The following NEURL1B variants were observed in gnomAD, a reference collection of about 807,000 sequenced individuals.
NEURL1B encodes neuralized E3 ubiquitin protein ligase 1B, also known as E3 ubiquitin-protein ligase NEURL1B.
In NEURL1B, 13 loss-of-function variants were observed where a neutral mutation model predicts 37.4. That is an observed-to-expected ratio of 0.35 (90% CI 0.23 to 0.55). The LOEUF (loss-of-function observed/expected upper bound fraction) is 0.55, where lower values mean the gene tolerates loss of function less well. Ranked by LOEUF, NEURL1B falls within the 20% of genes least tolerant of loss-of-function variation. NEURL1B has a pLI of 0.89. For synonymous variants in NEURL1B, 432 were observed against 426.6 expected (o/e 1.01, Z -0.16); for missense variants, 790 against 879.2 (o/e 0.90, Z 1.28).
Position 172,676,047 on chromosome 5 carries a change from G to A in NEURL1B, c.577+5717G>A, listed in dbSNP as rs1350824433. Reference sequence around the variant, plus strand: ...TTCCTTTGCCCAGTCGTGGGAAGCTGGTCAGATTGAAAAAGCAATGCCAGT... The same window carrying A: ...TTCCTTTGCCCAGTCGTGGGAAGCTAGTCAGATTGAAAAAGCAATGCCAGT... On this transcript the variant is annotated intron_variant, in intron 2 of 4. Transcript: ENST00000369800. This position sits in a 1 kb window ranked among gnomAD's most constrained non-coding sequence, Gnocchi z 4.5. 6.6e-6 allele frequency among the ~76,000 whole-genome samples: 1 copy of A among 151,870 alleles called. No homozygotes were observed. The highest frequency in any genetic ancestry group is 1.5e-5 in the Non-Finnish European group (1 of 67,998).
At chr5:172,646,110 G>A (rs1351175291) in intron 1 of NEURL1B, among the ~76,000 whole-genome samples, 6 of 152,196 alleles carry the variant, frequency 3.9e-5, no homozygotes, top group South Asian at 2.1e-4. Flanking sequence ...AGCGGGAGCC[G>A]TTGAGAGTTG....
At chr5:172,674,293 G>C (rs1257377874) in intron 2 of NEURL1B, among the ~76,000 whole-genome samples, 1 of 152,072 alleles carries the variant, frequency 6.6e-6, no homozygotes, top group African/African-American at 2.4e-5. Flanking sequence ...AAAAGGGCTC[G>C]TAGGCCTCAC....
intron 1 of NEURL1B, among the ~76,000 whole-genome samples, chr5:172,643,460 C>A (rs2081512117): frequency 6.6e-6 from 1 of 152,212 alleles, no homozygotes; most frequent in Non-Finnish European, 1.5e-5. Flanking sequence ...CTCCAGGAAG[C>A]TTTCCCTGAC....
rs10476046 is a variant in NEURL1B, at chr5:172,669,765, C to A, written c.32-20C>A. 225,663 of 1,245,598 alleles carry A rather than the reference C, an allele frequency of 0.18. 23,289 individuals are homozygous for A. Among genetic ancestry groups the A allele is most frequent in the African/African-American group, 0.45 (28,453 of 62,744 alleles). 77.2% of individuals were successfully genotyped at this position (1,245,598 alleles called of 1,614,324 possible). ...GGAGTTCGGAGGAGGCCTAACCGTG[C>A]TGCCTGTGTCTTTCCGCAGACCCGA... is the stretch of plus-strand genomic sequence containing the variant. On this transcript the variant is annotated intron_variant, in intron 1 of 4. Transcript: ENST00000369800.
chr5:172,687,103 C>T lies in NEURL1B; in HGVS notation c.*178C>T, dbSNP rs1036753475. 1.2e-5 allele frequency: 9 copies of T among 743,250 alleles called. No individual in the cohort carries two copies. The African/African-American group carries it at 1.4e-4, about 12-fold the overall frequency. The allele number at this position is 743,250 out of a possible 1,614,324, so 46.0% of individuals were successfully genotyped here. A position where few individuals can be genotyped will look rare whatever the true frequency, so the allele number is the denominator to read the frequency against. On this transcript the variant is annotated 3_prime_UTR_variant, in exon 5 of 5. Transcript: ENST00000369800. ...GCCTCAGCCCAGGCAGGGGTTGCTTCTGGCTCCAAAGTGCTTTGCCCCCAA... is the reference window on the plus strand; with the variant it reads ...GCCTCAGCCCAGGCAGGGGTTGCTTTTGGCTCCAAAGTGCTTTGCCCCCAA...
intron 1 of NEURL1B, among the ~76,000 whole-genome samples, chr5:172,649,924 C>T (rs1312359413): frequency 6.6e-6 from 1 of 152,100 alleles, no homozygotes; most frequent in African/African-American, 2.4e-5. Context: ...ATTACCAGGA[C>T]TCAGGGCCAC....
chr5:172,681,471 C>A (rs1364468649), intron 2 of NEURL1B, among the ~76,000 whole-genome samples: 2 of 152,234 alleles, frequency 1.3e-5, no homozygotes, highest in Non-Finnish European at 2.9e-5. Context: ...CTATGGGAAG[C>A]ACCCTCGCTA....
In NEURL1B at chr5:172,664,566, A is replaced by G. The variant is rs143809170; in HGVS notation, c.32-5219A>G. On this transcript the variant is annotated intron_variant, in intron 1 of 4. Coordinates refer to ENST00000369800, the MANE Select transcript of NEURL1B (RefSeq NM_001142651.3). ...TGTTGTGTTTGTTGCAGCAATTTCA[A>G]TGATAAAGTTCAGGTTTGCCACTGA... 2.1e-3 allele frequency among the ~76,000 whole-genome samples: 314 copies of G among 152,306 alleles called. 1 individual carries two copies. Among genetic ancestry groups the G allele is most frequent in the African/African-American group, 7.1e-3 (297 of 41,556 alleles).
intron 2 of NEURL1B, among the ~76,000 whole-genome samples, chr5:172,673,164 A>G (rs1758163926): frequency 6.6e-6 from 1 of 152,232 alleles, no homozygotes. Context: ...TAAGCTAAGC[A>G]GTCATGATTT....
Position 172,647,214 on chromosome 5 carries a change from G to A in NEURL1B, c.31+5777G>A, listed in dbSNP as rs1391259843. ...GAGGGCTTAAAATAGAAGCCCAGAG[G>A]CCAGGTGTGTGGTTAGAGCTTAGAG... On this transcript the variant is annotated intron_variant, in intron 1 of 4. Coordinates refer to ENST00000369800, the MANE Select transcript of NEURL1B (RefSeq NM_001142651.3). The surrounding 1 kb of genome is among the most constrained non-coding windows in gnomAD (Gnocchi z 4.2). 6.6e-6 allele frequency among the ~76,000 whole-genome samples: 1 copy of A among 152,168 alleles called. No individual in the cohort carries two copies. The highest frequency in any genetic ancestry group is 6.5e-5 in the Admixed American group (1 of 15,286).
intron 2 of NEURL1B, among the ~76,000 whole-genome samples, chr5:172,677,574 G>A (rs181366537): frequency 2.6e-4 from 39 of 152,264 alleles, no homozygotes; most frequent in Admixed American, 1.2e-3. Flanking sequence ...GGTCAGTGGC[G>A]CACAGACCCA....
At chr5:172,648,006 G>A (rs922674137) in intron 1 of NEURL1B, among the ~76,000 whole-genome samples, 1 of 152,138 alleles carries the variant, frequency 6.6e-6, no homozygotes, top group Non-Finnish European at 1.5e-5. Context: ...AGTGAGCAAG[G>A]GCCCAGGTGA....
At chr5:172,643,434 C>T (rs1757504289) in intron 1 of NEURL1B, among the ~76,000 whole-genome samples, 1 of 152,196 alleles carries the variant, frequency 6.6e-6, no homozygotes, top group Non-Finnish European at 1.5e-5. Flanking sequence ...TTTCAAAATC[C>T]AGTTGTCGTT....
intron 1 of NEURL1B, among the ~76,000 whole-genome samples, chr5:172,655,667 A>G (rs1473151536): frequency 6.6e-6 from 1 of 151,596 alleles, no homozygotes; most frequent in Non-Finnish European, 1.5e-5. Flanking sequence ...TCCTTGGTCT[A>G]TGCACAGTTG....
At position 172,669,708 on chromosome 5, in the gene NEURL1B, G is replaced by T. The variant is rs376967837; in HGVS notation, c.32-77G>T. Reference sequence around the variant, plus strand: ...TTAAAATGGAATTTCAAATGAAAATGATTGTTAAGTAAAGACCAATCGGGG... The same window carrying T: ...TTAAAATGGAATTTCAAATGAAAATTATTGTTAAGTAAAGACCAATCGGGG... On this transcript the variant is annotated intron_variant, in intron 1 of 4. Transcript: ENST00000369800. 3.9e-6 allele frequency: 4 copies of T among 1,031,474 alleles called. No individual in the cohort carries two copies. In the African/African-American group the frequency reaches 5.2e-5, roughly 13 times the overall value. The allele number at this position is 1,031,474 out of a possible 1,614,324, so 63.9% of individuals were successfully genotyped here.
chr5:172,674,738 G>A (rs894602352), intron 2 of NEURL1B, among the ~76,000 whole-genome samples: 8 of 152,018 alleles, frequency 5.3e-5, no homozygotes, highest in South Asian at 2.1e-4. Context: ...CAAGTTCTTC[G>A]GACGCCTCTG....
Position 172,683,969 on chromosome 5 carries a change from C to G in NEURL1B, c.1128C>G (p.Pro376=), listed in dbSNP as rs1166310374. 8 of 1,320,874 alleles carry G rather than the reference C, an allele frequency of 6.1e-6. No homozygotes were observed. Among genetic ancestry groups the G allele is most frequent in the East Asian group, 3.4e-5 (1 of 29,538 alleles). The allele number at this position is 1,320,874 out of a possible 1,614,324, so 81.8% of individuals were successfully genotyped here. Residue 376 remains proline, a synonymous_variant, in exon 3 of 5, where the codon CCC becomes CCG. Coordinates refer to ENST00000369800, the MANE Select transcript of NEURL1B (RefSeq NM_001142651.3). The surrounding 1 kb of genome is among the most constrained non-coding windows in gnomAD (Gnocchi z 5.6). The part of the protein sequence containing the change: ...KEYWVVARAG[P]VPSGGDALSF... The stretch of plus-strand genomic sequence containing the variant: ...ACTGGGTGGTGGCGCGCGCCGGGCC[C>G]GTGCCGAGCGGCGGCGACGCGCTCA...
Position 172,683,994 on chromosome 5 carries a change from A to G in NEURL1B, c.1153A>G (p.Ser385Gly). 1 of 1,323,094 alleles carries G rather than the reference A, an allele frequency of 7.6e-7. No homozygotes were observed. The highest frequency in any genetic ancestry group is 9.7e-7 in the Non-Finnish European group (1 of 1,034,126). The allele number at this position is 1,323,094 out of a possible 1,614,324, so 82.0% of individuals were successfully genotyped here. ...GPVPSGGDAL[S>G]FTLRPGGDVL... ...CGTGCCGAGCGGCGGCGACGCGCTC[A>G]GCTTCACGCTGCGGCCCGGCGGCGA... The change falls in exon 3 of 5, where the codon AGC (serine) becomes GGC (glycine). Residue 385 changes from serine (S) to glycine (G), a missense_variant. Physicochemically the swap from Ser to Gly is moderately conservative, Grantham distance 56 (BLOSUM62 0). Around this residue, in one of 3 missense-constraint regions of NEURL1B, gnomAD observed 460 missense variants for 407.4 expected, o/e 1.13. Transcript: ENST00000369800. This position sits in a 1 kb window ranked among gnomAD's most constrained non-coding sequence, Gnocchi z 5.6.
rs1038123264 is a variant in NEURL1B at position 172,663,000 on chromosome 5, G to T, written c.32-6785G>T. Among the ~76,000 whole-genome samples, 6 of 145,824 alleles carry T rather than the reference G, an allele frequency of 4.1e-5. No individual in the cohort carries two copies. The South Asian group carries it at 1.3e-3, about 32-fold the overall frequency. ...CCAGTACTTTGGGAAGCTGAGGTGG[G>T]TGGATTGCTTGAGCCCAGGAGTTCG... is the stretch of plus-strand genomic sequence containing the variant. On this transcript the variant is annotated intron_variant, in intron 1 of 4. Transcript: ENST00000369800.
Sources: gnomAD v4.1 joint callset for allele counts (sites outside exome capture counted in the v4.1 genomes callset) on GRCh38, gnomAD v4.1.1 for gene constraint, gnomAD v4.1.1 regional missense constraint, Gnocchi (gnomAD v3.1) non-coding constraint, MANE v1.5 for transcripts, NCBI Gene and HGNC (gene_info 2026-07-23, HGNC 2026-07-21) for gene names.